The following BDP1 variants were observed in gnomAD, a reference collection of about 807,000 sequenced individuals.
The protein encoded by BDP1 is transcription factor TFIIIB component B'' homolog.
BDP1 carries 169 observed loss-of-function variants against 266.6 expected under a neutral mutation model. The ratio of observed to expected loss-of-function variants is 0.63; its 90% CI spans 0.56 to 0.72. The LOEUF (loss-of-function observed/expected upper bound fraction) is 0.72. Among genes scored for constraint, BDP1 ranks in the 30% least tolerant of loss-of-function variants. BDP1 has a pLI of 0.00. For synonymous variants in BDP1, 1,090 were observed against 1,022.4 expected (o/e 1.07, Z -1.26); for missense variants, 3,015 against 3,053.8 (o/e 0.99, Z 0.30).
At chr5:71,477,821 T>C (rs942776559) in intron 7 of BDP1, among the ~76,000 whole-genome samples, 2 of 151,874 alleles carry the variant, frequency 1.3e-5, no homozygotes, top group Admixed American at 6.6e-5. Context: ...GGTTTTGCCA[T>C]GTCGCCCAGG....
intron 26 of BDP1, among the ~76,000 whole-genome samples, chr5:71,534,890 C>T (rs1766495447): frequency 6.6e-6 from 1 of 152,206 alleles, no homozygotes; most frequent in African/African-American, 2.4e-5. Context: ...ATCCACCCGC[C>T]TCTGCCTCCC....
intron 25 of BDP1, among the ~76,000 whole-genome samples, chr5:71,524,927 G>T (rs1301308372): frequency 6.6e-5 from 10 of 151,460 alleles, no homozygotes; most frequent in African/African-American, 2.2e-4. Flanking sequence ...CACAGCACAT[G>T]TTTCAGAGAG....
chr5:71,576,862 G>A, the BDP1 span, among the ~76,000 whole-genome samples: 3 of 152,114 alleles, frequency 2.0e-5, no homozygotes, highest in Non-Finnish European at 4.4e-5. Flanking sequence ...TTCAAAAGAT[G>A]ATATGGAAGG....
chr5:71,549,535 C>A lies in BDP1; in HGVS notation c.6924C>A (p.Phe2308Leu). 6.2e-7 allele frequency: 1 copy of A among 1,613,994 alleles called. No individual in the cohort carries two copies. The change falls in exon 34 of 39, where the codon TTC (phenylalanine) becomes TTA (leucine). Residue 2308 changes from phenylalanine (F) to leucine (L), a missense_variant. Physicochemically the swap from Phe to Leu is conservative, Grantham distance 22 (BLOSUM62 0). This residue lies in a region of BDP1 where 629 missense variants were observed against 632.5 expected (regional missense o/e 0.99). Coordinates refer to ENST00000358731, the MANE Select transcript of BDP1 (RefSeq NM_018429.3). ...AATTTACTGATGCCACTGCACAGTT[C>A]ATGCCAAACCCTTTACTGCCAGCTC... The part of the protein sequence containing the change: ...VEEFTDATAQ[F>L]MPNPLLPAPI...
rs556241493 is a variant in BDP1, at chr5:71,523,957, C to T, written c.5406C>T (p.Asn1802=). 9.7e-5 allele frequency: 156 copies of T among 1,613,046 alleles called. No individual in the cohort carries two copies. Among genetic ancestry groups the T allele is most frequent in the South Asian group, 9.2e-4 (84 of 91,002 alleles). Residue 1802 remains asparagine, a synonymous_variant, in exon 25 of 39, where the codon AAC becomes AAT. Coordinates refer to ENST00000358731, the MANE Select transcript of BDP1 (RefSeq NM_018429.3). ...TATCTAGCTGTCCACAACCGTTAAA[C>T]GAAACAAGTTACTCTAAAATTGCCC... ...NKLTSCPQPL[N]ETSYSKIALD...
intron 3 of BDP1, among the ~76,000 whole-genome samples, chr5:71,462,986 A>G (rs1258562131): frequency 2.0e-5 from 3 of 151,954 alleles, no homozygotes; most frequent in Admixed American, 6.6e-5. Flanking sequence ...TACAAAAATT[A>G]CCTGGGCATT....
chr5:71,479,658 T>G (rs1762817212), intron 7 of BDP1, among the ~76,000 whole-genome samples: 1 of 151,848 alleles, frequency 6.6e-6, no homozygotes, highest in Non-Finnish European at 1.5e-5. Context: ...GCCATTCTCC[T>G]GCCTCAGCCT....
intron 16 of BDP1, among the ~76,000 whole-genome samples, chr5:71,507,573 G>A (rs1171282721): frequency 6.6e-6 from 1 of 152,152 alleles, no homozygotes; most frequent in African/African-American, 2.4e-5. Context: ...TTTTCAAAAT[G>A]TGACTTTATA....
In BDP1 at chr5:71,532,444, A is replaced by G. The variant is rs777446056; in HGVS notation, c.5892+17A>G. 5.6e-6 allele frequency: 9 copies of G among 1,611,380 alleles called. No individual in the cohort carries two copies. Among genetic ancestry groups the G allele is most frequent in the South Asian group, 2.2e-5 (2 of 90,592 alleles). On this transcript the variant is annotated intron_variant, in intron 26 of 38. Coordinates refer to ENST00000358731, the MANE Select transcript of BDP1 (RefSeq NM_018429.3). The stretch of plus-strand genomic sequence containing the variant: ...GTACCGTTTGTAAGCATCCATTTTA[A>G]TATGTTTTGGCCTTTTATTCTTTGT...
At position 71,464,799 on chromosome 5, in the gene BDP1, G is replaced by C. The variant is rs527884321; in HGVS notation, c.659+682G>C. On this transcript the variant is annotated intron_variant, in intron 4 of 38. Transcript: ENST00000358731. ...AGTGGTGCGATCTCGGCTCACTGCA[G>C]CCTCTGCCTCCCGGGTTCAAGCGAT... 7.0e-5 allele frequency among the ~76,000 whole-genome samples: 10 copies of C among 143,328 alleles called. No homozygotes were observed. The East Asian group carries it at 2.2e-3, about 31-fold the overall frequency. The allele number at this position is 143,328 out of a possible 152,430, so 94.0% of individuals were successfully genotyped here.
At chr5:71,541,743 T>G (rs1766982877) in intron 29 of BDP1, 61 bp downstream of exon 29, 2 of 1,031,530 alleles carry the variant, frequency 1.9e-6, no homozygotes, top group South Asian at 3.6e-5. Flanking sequence ...AGTTAATAGC[T>G]TTGAGTAATG....
rs530885070 is a variant in BDP1, at chr5:71,510,017, T to C, written c.2925T>C (p.Asp975=). ...GGGAGAAGACACCAGAGGTGACTGA[T>C]GCCACTGAGGAAATAGACAAAAATT... ...SPREKTPEVT[D]ATEEIDKNLE... is the part of the protein sequence containing the mutation. The change falls in exon 17 of 39, where the codon GAT becomes GAC. Residue 975 remains aspartate (D), a synonymous_variant. Transcript: ENST00000358731. 14 of 1,613,840 alleles carry C rather than the reference T, an allele frequency of 8.7e-6. No homozygotes were observed. The South Asian group carries it at 1.4e-4, about 16-fold the overall frequency.
At chr5:71,564,690 A>C in intron 38 of BDP1, 64 bp from the exon 39 acceptor site, 1 of 1,340,340 alleles carries the variant, frequency 7.5e-7, no homozygotes, top group East Asian at 2.5e-5. Flanking sequence ...ATATATACAC[A>C]CACATATATA....
chr5:71,458,325 A>C (rs892652534), intron 1 of BDP1, among the ~76,000 whole-genome samples: 1 of 152,084 alleles, frequency 6.6e-6, no homozygotes, highest in African/African-American at 2.4e-5. Context: ...TAAGCCTATA[A>C]TTATGTGCTG....
At position 71,469,490 on chromosome 5, in the gene BDP1, A is replaced by G. The variant is rs539923358; in HGVS notation, c.920-905A>G. On this transcript the variant is annotated intron_variant, in intron 6 of 38. Transcript: ENST00000358731. ...CTTTATATACTACTTAGCACATCTT[A>G]GTTGCCTATGTAGTGTAACCCTATC... Among the ~76,000 whole-genome samples the G allele has an allele frequency of 1.5e-3, 226 of 152,234 alleles. 4 individuals are homozygous for G. The highest frequency in any genetic ancestry group is 1.7e-3 in the Non-Finnish European group (117 of 68,012).
chr5:71,457,086 C>A (rs572432798), intron 1 of BDP1, among the ~76,000 whole-genome samples: 5 of 152,000 alleles, frequency 3.3e-5, no homozygotes, highest in Non-Finnish European at 7.4e-5. Context: ...AAAGGAGATA[C>A]CGATACTAGT....
intron 13 of BDP1, 111 bp downstream of exon 13, chr5:71,497,537 C>T (rs1561709281): frequency 1.3e-6 from 1 of 755,548 alleles, no homozygotes; most frequent in Non-Finnish European, 2.1e-6. Context: ...GATATTAAAA[C>T]AGATACAAGA....
At chr5:71,569,696 T>TATTGTGCCACTGTACTCCA (rs1323784582), downstream of BDP1, among the ~76,000 whole-genome samples, 3 of 152,088 alleles carry the variant, frequency 2.0e-5, no homozygotes, top group African/African-American at 4.8e-5. Flanking sequence ...AGTACGCTGA[T>TATTGTGCCACTGTACTCCA]ATTGTGCCAC....
rs1743002915 is a variant in BDP1, at chr5:71,553,530, A to C, written c.7200+210A>C. Among the ~76,000 whole-genome samples, 3 of 152,188 alleles carry C rather than the reference A, an allele frequency of 2.0e-5. 1 individual carries two copies. In the South Asian group the frequency reaches 6.2e-4, roughly 32 times the overall value. ...GGTAAATGAAAATTGATGGAGAGTA[A>C]TCAAGAAACTTATTCCCAGCTCTGT... On this transcript the variant is annotated intron_variant, in intron 35 of 38. Coordinates refer to ENST00000358731, the MANE Select transcript of BDP1 (RefSeq NM_018429.3).
Sources: allele counts gnomAD v4.1 joint callset (sites outside exome capture counted in the v4.1 genomes callset), GRCh38; gene constraint gnomAD v4.1.1; regional missense constraint gnomAD v4.1.1; transcripts MANE v1.5; gene names NCBI Gene and HGNC (gene_info 2026-07-23, HGNC 2026-07-21).